Variants in RYR3 observed in about 807,000 individuals in gnomAD.
RYR3 encodes the protein brain ryanodine receptor-calcium release channel.
RYR3 carries 207 observed loss-of-function variants against 584.3 expected under a neutral mutation model. That is an observed-to-expected ratio of 0.35 (90% CI 0.32 to 0.40). The LOEUF is 0.40. RYR3 is among the 10% of genes least tolerant of loss of function. RYR3 has a pLI of 1.00. For synonymous variants in RYR3, 2,416 were observed against 2,248.5 expected, an observed-to-expected ratio of 1.07 and a Z score of -2.11; for missense variants, 5,616 against 6,089.2, an observed-to-expected ratio of 0.92 and a Z score of 2.59.
At chr15:33,738,005 C>G (rs1217653703) in intron 49 of RYR3, among the ~76,000 whole-genome samples, 1 of 152,136 alleles carries the variant, frequency 6.6e-6, no homozygotes, top group East Asian at 1.9e-4. Flanking sequence ...AGAAAATCTT[C>G]AGACCCACGA....
At chr15:33,771,079 A>G (rs2073529542) in intron 62 of RYR3, among the ~76,000 whole-genome samples, 1 of 152,218 alleles carries the variant, frequency 6.6e-6, no homozygotes, top group Admixed American at 6.5e-5. Flanking sequence ...TAAGCTGTCT[A>G]CTTTAAAACG....
chr15:33,778,037 G>A (rs965864030), intron 64 of RYR3, among the ~76,000 whole-genome samples: 18 of 152,102 alleles, frequency 1.2e-4, no homozygotes, highest in Non-Finnish European at 2.6e-4. Context: ...GGGTGTGGTG[G>A]TGCGTGCCTG....
rs2076486478 is a variant in RYR3 at position 33,810,789 on chromosome 15, C to G, written c.10197+140C>G. On this transcript the variant is annotated intron_variant, in intron 71 of 103. Coordinates refer to ENST00000634891, the MANE Select transcript of RYR3 (RefSeq NM_001036.6). Reference sequence around the variant, plus strand: ...AACCAGTGTGTATGGAGGCAACACGCCCTCATCTTTAAAACTGGTTTGGAA... The same window carrying G: ...AACCAGTGTGTATGGAGGCAACACGGCCTCATCTTTAAAACTGGTTTGGAA... The G allele has an allele frequency of 5.3e-6, 6 of 1,133,400 alleles. No individual in the cohort carries two copies. The East Asian group carries it at 1.5e-4, about 29-fold the overall frequency. 70.2% of individuals were successfully genotyped at this position (1,133,400 alleles called of 1,614,324 possible).
intron 82 of RYR3, among the ~76,000 whole-genome samples, chr15:33,826,039 A>G (rs2077363838): frequency 6.6e-6 from 1 of 152,094 alleles, no homozygotes; most frequent in Non-Finnish European, 1.5e-5. Context: ...CTGGCCATTT[A>G]AAATCTTAAT....
In RYR3 at chr15:33,660,303, G is replaced by A. The variant is rs1049840625; in HGVS notation, c.4502G>A (p.Ser1501Asn). Reference protein sequence around the residue: ...DVQTIQPVLWSRMPNSFLKVE... With the variant: ...DVQTIQPVLWNRMPNSFLKVE... ...CAAACCATCCAGCCCGTGCTCTGGA[G>A]CCGCATGCCCAACAGCTTCCTGAAG... Residue 1501 changes from serine to asparagine, a missense_variant, in exon 34 of 104, where the codon AGC becomes AAC. Physicochemically the swap from Ser to Asn is conservative, Grantham distance 46 (BLOSUM62 1). Transcript: ENST00000634891. 1 of 1,576,062 alleles carries A rather than the reference G, an allele frequency of 6.3e-7. No individual in the cohort carries two copies. Among genetic ancestry groups the A allele is most frequent in the Non-Finnish European group, 8.6e-7 (1 of 1,161,018 alleles).
chr15:33,606,540 C>T (rs965322288), intron 18 of RYR3, among the ~76,000 whole-genome samples: 4 of 152,156 alleles, frequency 2.6e-5, no homozygotes, highest in African/African-American at 7.2e-5. Flanking sequence ...CCTTTTTAGC[C>T]ATGGAAGCCT....
At chr15:33,507,400 G>T (rs148142499) in intron 3 of RYR3, among the ~76,000 whole-genome samples, 3 of 152,186 alleles carry the variant, frequency 2.0e-5, no homozygotes, top group African/African-American at 7.2e-5. Context: ...TGCCTCTCAG[G>T]GTCTGCCCTA....
intron 3 of RYR3, among the ~76,000 whole-genome samples, chr15:33,519,850 C>T (rs2053836453): frequency 6.6e-6 from 1 of 152,068 alleles, no homozygotes; most frequent in Non-Finnish European, 1.5e-5. Flanking sequence ...GAGAATCAGC[C>T]TCTCCACCCA....
chr15:33,507,550 TATTAGA>T (rs1381002633), intron 3 of RYR3, among the ~76,000 whole-genome samples: 1 of 152,196 alleles, frequency 6.6e-6, no homozygotes, highest in African/African-American at 2.4e-5. Flanking sequence ...TGCAATCAAA[TATTAGA>T]GTATTTTCAC....
intron 18 of RYR3, among the ~76,000 whole-genome samples, chr15:33,606,109 T>C (rs888127665): frequency 3.9e-5 from 6 of 152,202 alleles, no homozygotes; most frequent in African/African-American, 9.7e-5. Context: ...ACAAACAGCG[T>C]AGCTTTGGAG....
chr15:33,743,458 G>C (rs1458406037), intron 52 of RYR3, among the ~76,000 whole-genome samples: 3 of 152,180 alleles, frequency 2.0e-5, no homozygotes, highest in Non-Finnish European at 2.9e-5. Flanking sequence ...ATAAACAAAA[G>C]TGGGTGCCTG....
intron 3 of RYR3, among the ~76,000 whole-genome samples, chr15:33,528,260 C>T (rs1229813619): frequency 6.6e-6 from 1 of 152,110 alleles, no homozygotes; most frequent in Non-Finnish European, 1.5e-5. Context: ...ATAATCTGGC[C>T]ACCCCTCACC....
At chr15:33,556,938 T>C (rs577113456) in intron 10 of RYR3, among the ~76,000 whole-genome samples, 3 of 152,324 alleles carry the variant, frequency 2.0e-5, no homozygotes, top group Non-Finnish European at 2.9e-5. Flanking sequence ...AACTCAAAAT[T>C]TGTATGAACC....
In RYR3 at chr15:33,860,587, C is replaced by A. The variant is rs752879880; in HGVS notation, c.14300-8C>A. On this transcript the variant is annotated splice_polypyrimidine_tract_variant and splice_region_variant and intron_variant, in intron 100 of 103. Transcript: ENST00000634891. ...CAGATTGCTTTGTCTTTGTATTTAA[C>A]ATTCCAGGTCTTATTATTGATGCTT... 3 of 1,563,466 alleles carry A rather than the reference C, an allele frequency of 1.9e-6. No individual in the cohort carries two copies. Among genetic ancestry groups the A allele is most frequent in the South Asian group, 2.4e-5 (2 of 83,876 alleles).
chr15:33,690,795 T>G (rs1291868789), intron 38 of RYR3, among the ~76,000 whole-genome samples: 2 of 152,224 alleles, frequency 1.3e-5, no homozygotes, highest in Non-Finnish European at 2.9e-5. Context: ...TTATGTGGAT[T>G]ATATCTATCA....
At chr15:33,764,303 C>A (rs941360808) in intron 60 of RYR3, among the ~76,000 whole-genome samples, 3 of 152,124 alleles carry the variant, frequency 2.0e-5, no homozygotes, top group Admixed American at 6.5e-5. Flanking sequence ...TGAAAACACT[C>A]ATTCTCAGCA....
chr15:33,697,389 A>G (rs1242756066), intron 39 of RYR3, among the ~76,000 whole-genome samples: 4 of 152,190 alleles, frequency 2.6e-5, no homozygotes, highest in Non-Finnish European at 5.9e-5. Flanking sequence ...GTTTCCTGCA[A>G]CCCTCAAGAG....
intron 48 of RYR3, among the ~76,000 whole-genome samples, chr15:33,733,924 T>G (rs751336764): frequency 8.5e-5 from 13 of 152,312 alleles, no homozygotes; most frequent in Middle Eastern, 6.8e-3. Context: ...CAAAACAGTT[T>G]TAAAATGTTG....
At chr15:33,602,265 T>A (rs921904877) in intron 17 of RYR3, among the ~76,000 whole-genome samples, 8 of 152,212 alleles carry the variant, frequency 5.3e-5, no homozygotes, top group African/African-American at 1.4e-4. Flanking sequence ...CTACCCAAAA[T>A]AGGGCATAGC....
Sources: gnomAD v4.1 joint callset for allele counts (sites outside exome capture counted in the v4.1 genomes callset) on GRCh38, gnomAD v4.1.1 for gene constraint, MANE v1.5 for transcripts, NCBI Gene and HGNC (gene_info 2026-07-23, HGNC 2026-07-21) for gene names.